The following RAD51B variants were observed in gnomAD, a reference collection of about 807,000 sequenced individuals.
RAD51B encodes DNA repair protein RAD51 homolog 2.
Under a neutral mutation model 42.2 loss-of-function variants are expected in RAD51B, and 38 were observed. The observed-to-expected ratio is 0.90, with a 90% CI of 0.70 to 1.18. RAD51B has a LOEUF of 1.18. Among genes scored for constraint, RAD51B ranks in the 50% most tolerant of loss-of-function variants. The pLI is 0.00. For missense variants in RAD51B, 373 were observed against 400.7 expected (o/e 0.93, Z 0.59); for synonymous variants, 154 against 145.2 (o/e 1.06, Z -0.43).
intron 5 of RAD51B, among the ~76,000 whole-genome samples, chr14:67,875,522 A>G (rs1208877349): frequency 1.3e-5 from 2 of 152,184 alleles, no homozygotes. Context: ...TAAAGTTTAG[A>G]TACAAAGATA....
Position 67,910,603 on chromosome 14 carries a change from A to T in RAD51B, c.756+23399A>T, listed in dbSNP as rs202009045. Among the ~76,000 whole-genome samples the T allele has an allele frequency of 1.6e-3, 243 of 151,608 alleles. 2 individuals carry two copies. Among genetic ancestry groups the T allele is most frequent in the East Asian group, 1.7e-3 (9 of 5,176 alleles). On this transcript the variant is annotated intron_variant, in intron 7 of 10. Transcript: ENST00000471583. ...GTCGATGCCTTTTAACTTTTTTTTT[A>T]AAATTTTACTGGATTTGTATTTTAC... is the stretch of plus-strand genomic sequence containing the variant.
chr14:67,962,598 GC>G (rs2074692750), intron 7 of RAD51B, among the ~76,000 whole-genome samples: 1 of 152,168 alleles, frequency 6.6e-6, no homozygotes, highest in Non-Finnish European at 1.5e-5. Context: ...AGTGTACCCA[GC>G]CAAGTTGTTG....
In RAD51B at chr14:68,077,606, CCAAA is replaced by C. The variant is rs1566627053; in HGVS notation, c.756+190411_756+190414del. Among the ~76,000 whole-genome samples the C allele has an allele frequency of 7.9e-5, 12 of 152,260 alleles. No homozygotes were observed. The South Asian group carries it at 2.5e-3, about 32-fold the overall frequency. On this transcript the variant is annotated intron_variant, in intron 7 of 10. Transcript: ENST00000471583. Reference sequence around the variant, plus strand: ...AGAACAAAACCCCAATCCGTTCTCCCCAAACAAACAAAAATATGAGTTGAATATC... The same window carrying C: ...AGAACAAAACCCCAATCCGTTCTCCCCAAACAAAAATATGAGTTGAATATC...
chr14:68,620,446 G>T (rs1891922171), intron 10 of RAD51B, among the ~76,000 whole-genome samples: 1 of 152,196 alleles, frequency 6.6e-6, no homozygotes, highest in Non-Finnish European at 1.5e-5. Flanking sequence ...TTCCATGAAA[G>T]AAGAGCCTTG....
intron 9 of RAD51B, among the ~76,000 whole-genome samples, chr14:68,436,372 G>A (rs941501499): frequency 6.6e-6 from 1 of 152,052 alleles, no homozygotes. Context: ...CTGTTCCATT[G>A]GTCTGTATGT....
At chr14:68,303,818 G>A (rs181781120) in intron 8 of RAD51B, among the ~76,000 whole-genome samples, 93 of 152,256 alleles carry the variant, frequency 6.1e-4, no homozygotes, top group African/African-American at 2.2e-3. Flanking sequence ...ATGGTGTCAG[G>A]CTATCTATAA....
At chr14:68,183,026 G>T (rs781548939) in intron 7 of RAD51B, among the ~76,000 whole-genome samples, 10 of 152,148 alleles carry the variant, frequency 6.6e-5, no homozygotes, top group Non-Finnish European at 1.5e-4. Flanking sequence ...TTATTTGGGG[G>T]ATTTTGACTG....
intron 10 of RAD51B, among the ~76,000 whole-genome samples, chr14:68,551,249 C>T (rs114552942): frequency 0.011 from 1,601 of 152,252 alleles, 34 homozygotes; most frequent in African/African-American, 0.035. Flanking sequence ...TTCCTTGTTT[C>T]CACTCCCTGT....
At chr14:68,086,267 G>A (rs1253130558) in intron 7 of RAD51B, among the ~76,000 whole-genome samples, 2 of 152,142 alleles carry the variant, frequency 1.3e-5, no homozygotes, top group East Asian at 3.9e-4. Context: ...TTGGCTTGCC[G>A]GTGTGCTGGT....
At chr14:68,531,635 A>C (rs536850575) in intron 10 of RAD51B, among the ~76,000 whole-genome samples, 20 of 152,362 alleles carry the variant, frequency 1.3e-4, no homozygotes, top group African/African-American at 4.3e-4. Flanking sequence ...GTTAAATTTA[A>C]ATTTATTTTT....
At chr14:68,585,691 C>G (rs1257986443) in intron 10 of RAD51B, among the ~76,000 whole-genome samples, 1 of 150,612 alleles carries the variant, frequency 6.6e-6, no homozygotes, top group Non-Finnish European at 1.5e-5. Context: ...ACCCCGACCC[C>G]GGGTGTCCTG....
chr14:68,306,838 G>A (rs1274743575), intron 8 of RAD51B, among the ~76,000 whole-genome samples: 1 of 152,166 alleles, frequency 6.6e-6, no homozygotes, highest in Non-Finnish European at 1.5e-5. Flanking sequence ...ATTATGGCAT[G>A]CCAGGCAATG....
intron 11 of RAD51B, among the ~76,000 whole-genome samples, chr14:68,652,360 C>G (rs966346490): frequency 1.3e-5 from 2 of 152,206 alleles, no homozygotes; most frequent in South Asian, 2.1e-4. Context: ...GCCTCCCAGT[C>G]TCCCCAGGTC....
chr14:68,665,528 G>C (rs1262530476), intron 11 of RAD51B, among the ~76,000 whole-genome samples: 1 of 152,204 alleles, frequency 6.6e-6, no homozygotes, highest in Non-Finnish European at 1.5e-5. Context: ...ATCAGGCTCT[G>C]GAGGGAAGAC....
At chr14:68,107,043 T>G (rs764111706) in intron 7 of RAD51B, among the ~76,000 whole-genome samples, 14 of 151,874 alleles carry the variant, frequency 9.2e-5, no homozygotes, top group Non-Finnish European at 1.6e-4. Context: ...GTCTGTACTT[T>G]GCTCTGTTCT....
At position 68,108,716 on chromosome 14, in the gene RAD51B, G is replaced by A. The variant is rs545213388; in HGVS notation, c.757-183168G>A. Among the ~76,000 whole-genome samples, 7 of 151,948 alleles carry A rather than the reference G, an allele frequency of 4.6e-5. No homozygotes were observed. The South Asian group carries it at 1.5e-3, about 32-fold the overall frequency. ...TGGTGATGGTTATAAAACTCTGTGAGCACTCTAAAAACACTGAATTATATA... is the reference window on the plus strand; with the variant it reads ...TGGTGATGGTTATAAAACTCTGTGAACACTCTAAAAACACTGAATTATATA... On this transcript the variant is annotated intron_variant, in intron 7 of 10. Transcript: ENST00000471583.
intron 7 of RAD51B, among the ~76,000 whole-genome samples, chr14:68,286,116 G>T (rs2081410797): frequency 6.6e-6 from 1 of 152,100 alleles, no homozygotes; most frequent in Non-Finnish European, 1.5e-5. Context: ...TGACATTAAG[G>T]CCTGGAGAAG....
chr14:68,657,825 T>G (rs1566965690), intron 11 of RAD51B, among the ~76,000 whole-genome samples: 1 of 151,934 alleles, frequency 6.6e-6, no homozygotes, highest in Non-Finnish European at 1.5e-5. Flanking sequence ...TAAACAGACA[T>G]CCCTAGATTC....
chr14:68,033,119 A>G (rs1008409784), intron 7 of RAD51B, among the ~76,000 whole-genome samples: 4 of 152,148 alleles, frequency 2.6e-5, no homozygotes, highest in African/African-American at 9.7e-5. Context: ...AGAAGGCAGG[A>G]GCCATGTCTT....
Sources: allele counts gnomAD v4.1 joint callset (sites outside exome capture counted in the v4.1 genomes callset), GRCh38; gene constraint gnomAD v4.1.1; transcripts MANE v1.5; gene names NCBI Gene and HGNC (gene_info 2026-07-23, HGNC 2026-07-21).